CACNA2D1: variants seen among roughly 807,000 people sequenced by gnomAD.
CACNA2D1 encodes calcium voltage-gated channel auxiliary subunit alpha2delta 1.
CACNA2D1 carries 53 observed loss-of-function variants against 171.5 expected under a neutral mutation model. The observed-to-expected ratio is 0.31, with a 90% confidence interval of 0.25 to 0.39. The LOEUF is 0.39. Ranked by LOEUF, CACNA2D1 falls within the 10% of genes least tolerant of loss-of-function variation. The probability of loss-of-function intolerance (pLI) is 1.00; values close to 1 mark genes in which losing one functional copy is unlikely to be tolerated. For synonymous variants in CACNA2D1, 442 were observed against 443.1 expected (o/e 1.00, Z 0.03); for missense variants, 903 against 1,299.8 (o/e 0.69, Z 4.69).
chr7:82,078,780 T>C (rs897137897), intron 7 of CACNA2D1, among the ~76,000 whole-genome samples: 3 of 152,058 alleles, frequency 2.0e-5, no homozygotes, highest in East Asian at 3.9e-4. Flanking sequence ...TACAGAAATA[T>C]AATATGACTT....
At chr7:82,175,208 G>A (rs1488607915) in intron 3 of CACNA2D1, among the ~76,000 whole-genome samples, 1 of 151,770 alleles carries the variant, frequency 6.6e-6, no homozygotes, top group African/African-American at 2.4e-5. Context: ...TCATATAACA[G>A]TTCAGTTACA....
chr7:82,018,618 T>C (rs532867932), intron 12 of CACNA2D1, among the ~76,000 whole-genome samples: 22 of 152,166 alleles, frequency 1.4e-4, no homozygotes, highest in Non-Finnish European at 2.6e-4. Context: ...AAAAAAATTC[T>C]TATAATTCTG....
Position 81,950,514 on chromosome 7 carries a change from G to A in CACNA2D1, c.3160-6C>T, listed in dbSNP as rs1375427993. On this transcript the variant is annotated splice_polypyrimidine_tract_variant and splice_region_variant and intron_variant, in intron 38 of 38. Transcript: ENST00000356860. ...CCACAGTCAGTATAATCCTCCTGTT[G>A]TTAAAAAAAAAAGAAAAGAACAGAA... The A allele has an allele frequency of 6.2e-7, 1 of 1,600,162 alleles. No homozygotes were observed. Among genetic ancestry groups the A allele is most frequent in the African/African-American group, 1.4e-5 (1 of 73,414 alleles).
At position 81,948,396 on chromosome 7, in the gene CACNA2D1, G is replaced by T. The variant is rs1177868297; in HGVS notation, c.*1996C>A. On this transcript the variant is annotated 3_prime_UTR_variant, in exon 39 of 39. Coordinates refer to ENST00000356860, the MANE Select transcript of CACNA2D1 (RefSeq NM_000722.4). Reference sequence around the variant, plus strand: ...AAAATCACAACAATGCATTAGAAATGGTAACTGATGTCAACTCTTAGAACA... The same window carrying T: ...AAAATCACAACAATGCATTAGAAATTGTAACTGATGTCAACTCTTAGAACA... 6.6e-6 allele frequency: 1 copy of T among 151,624 alleles called. No homozygotes were observed. The highest frequency in any genetic ancestry group is 2.4e-5 in the African/African-American group (1 of 41,344). 9.4% of individuals were successfully genotyped at this position (151,624 alleles called of 1,614,324 possible). A position where few individuals can be genotyped will look rare whatever the true frequency, so the allele number is the denominator to read the frequency against.
intron 4 of CACNA2D1, among the ~76,000 whole-genome samples, chr7:82,147,996 C>T (rs1793342908): frequency 6.6e-6 from 1 of 151,962 alleles, no homozygotes; most frequent in Non-Finnish European, 1.5e-5. Flanking sequence ...TCCAAGACGC[C>T]CCAGTAAAGG....
At chr7:82,103,055 C>G (rs1213152645) in intron 6 of CACNA2D1, among the ~76,000 whole-genome samples, 1 of 152,080 alleles carries the variant, frequency 6.6e-6, no homozygotes, top group African/African-American at 2.4e-5. Context: ...TGCTGGTAAT[C>G]CCAGCACTTT....
chr7:82,124,981 G>A (rs1790164532), intron 5 of CACNA2D1, among the ~76,000 whole-genome samples: 1 of 151,988 alleles, frequency 6.6e-6, no homozygotes, highest in Non-Finnish European at 1.5e-5. Context: ...ATCCCTACTA[G>A]CTTATTCTAG....
intron 12 of CACNA2D1, among the ~76,000 whole-genome samples, chr7:82,018,874 C>T (rs1051854038): frequency 1.3e-5 from 2 of 151,188 alleles, no homozygotes; most frequent in Non-Finnish European, 1.5e-5. Context: ...ATCCCAGCTA[C>T]CCTAGGGTGC....
At chr7:82,225,687 CCATCCTACTACCTAGAGGAATGTCTAT>C (rs1239279678) in intron 3 of CACNA2D1, among the ~76,000 whole-genome samples, 1,570 of 152,204 alleles carry the variant, frequency 0.01, 22 homozygotes, top group African/African-American at 0.036. Context: ...TGGGACGAAG[CCATCCTACTACCTAGAGGAATGTCTAT>C]CCAACCTCTA....
intron 3 of CACNA2D1, among the ~76,000 whole-genome samples, chr7:82,288,368 T>C (rs989007822): frequency 6.6e-6 from 1 of 151,824 alleles, no homozygotes; most frequent in Non-Finnish European, 1.5e-5. Context: ...TTAAGGTAAC[T>C]GAAGGGACTA....
intron 1 of CACNA2D1, among the ~76,000 whole-genome samples, chr7:82,359,322 C>T (rs570252641): frequency 1.5e-3 from 233 of 152,188 alleles, no homozygotes; most frequent in African/African-American, 5.5e-3. Flanking sequence ...TATTTAATTA[C>T]CATGATATTA....
intron 1 of CACNA2D1, among the ~76,000 whole-genome samples, chr7:82,389,148 T>A (rs992172513): frequency 4.9e-5 from 7 of 141,574 alleles, no homozygotes; most frequent in Non-Finnish European, 7.6e-5. Context: ...ATATATATAT[T>A]TATATATATA....
At chr7:82,085,014 ACT>A in intron 6 of CACNA2D1, 114 bp from the exon 7 acceptor site, 1 of 949,930 alleles carries the variant, frequency 1.1e-6, no homozygotes, top group Non-Finnish European at 1.6e-6. Flanking sequence ...CTATAAAATA[ACT>A]CTAATCCAGT....
At chr7:82,103,286 A>G (rs1395655781) in intron 6 of CACNA2D1, among the ~76,000 whole-genome samples, 3 of 152,040 alleles carry the variant, frequency 2.0e-5, no homozygotes, top group Admixed American at 6.6e-5. Flanking sequence ...ACAGAACCAG[A>G]CTCCATTTTA....
At chr7:82,104,912 A>G (rs1275397582) in intron 6 of CACNA2D1, among the ~76,000 whole-genome samples, 1 of 152,122 alleles carries the variant, frequency 6.6e-6, no homozygotes, top group African/African-American at 2.4e-5. Context: ...CCTTTCAATT[A>G]TACCATCTAG....
chr7:82,212,859 G>A (rs940967964), intron 3 of CACNA2D1, among the ~76,000 whole-genome samples: 11 of 151,970 alleles, frequency 7.2e-5, no homozygotes, highest in African/African-American at 2.7e-4. Flanking sequence ...GCAAGTATGT[G>A]GTGGATTTGG....
At position 82,016,504 on chromosome 7, in the gene CACNA2D1, A is replaced by C. The variant is rs531191123; in HGVS notation, c.1144-2025T>G. ...TATATGAATCTTATATCTATGTCTCAGAAAGGCAAGCACTTCTAATAACAT... is the reference window on the plus strand; with the variant it reads ...TATATGAATCTTATATCTATGTCTCCGAAAGGCAAGCACTTCTAATAACAT... On this transcript the variant is annotated intron_variant, in intron 12 of 38. Coordinates refer to ENST00000356860, the MANE Select transcript of CACNA2D1 (RefSeq NM_000722.4). Among the ~76,000 whole-genome samples the C allele has an allele frequency of 2.0e-5, 3 of 152,138 alleles. No homozygotes were observed. The East Asian group carries it at 5.8e-4, about 29-fold the overall frequency.
At chr7:82,300,238 C>G (rs1468981114) in intron 3 of CACNA2D1, among the ~76,000 whole-genome samples, 1 of 151,824 alleles carries the variant, frequency 6.6e-6, no homozygotes, top group Non-Finnish European at 1.5e-5. Context: ...CAAATACTCT[C>G]AGACAGCAAT....
intron 3 of CACNA2D1, among the ~76,000 whole-genome samples, chr7:82,282,289 T>C (rs7459094): frequency 0.7 from 107,055 of 152,124 alleles, 38,885 homozygotes; most frequent in African/African-American, 0.89. Flanking sequence ...CAGAACCAGA[T>C]TCTGTCTCTA....
Sources: gnomAD v4.1 joint callset for allele counts (sites outside exome capture counted in the v4.1 genomes callset) on GRCh38, gnomAD v4.1.1 for gene constraint, MANE v1.5 for transcripts, NCBI Gene and HGNC (gene_info 2026-07-23, HGNC 2026-07-21) for gene names.